THRB: variants seen among roughly 807,000 people sequenced by gnomAD.
THRB encodes the protein nuclear receptor subfamily 1 group A member 2.
THRB carries 12 observed loss-of-function variants against 47.8 expected under a neutral mutation model. The ratio of observed to expected loss-of-function variants is 0.25; its 90% CI spans 0.16 to 0.41. THRB has a LOEUF of 0.41. THRB is among the 10% of genes least tolerant of loss of function. The probability of loss-of-function intolerance (pLI) is 1.00; values close to 1 mark genes in which losing one functional copy is unlikely to be tolerated. For synonymous variants in THRB, 218 were observed against 212.2 expected, an observed-to-expected ratio of 1.03 and a Z score of -0.24; for missense variants, 348 against 589.2, an observed-to-expected ratio of 0.59 and a Z score of 4.24.
At chr3:24,447,196 T>C (rs562690768) in intron 1 of THRB, among the ~76,000 whole-genome samples, 1 of 152,350 alleles carries the variant, frequency 6.6e-6, no homozygotes, top group South Asian at 2.1e-4. Context: ...TATGCATTTA[T>C]TTTTAAAATT....
At chr3:24,211,434 A>G (rs2149857909) in intron 4 of THRB, among the ~76,000 whole-genome samples, 1 of 152,320 alleles carries the variant, frequency 6.6e-6, no homozygotes, top group South Asian at 2.1e-4. Context: ...CTTCATTGCT[A>G]ATATTGACTG....
chr3:24,319,534 A>C (rs1373070242), intron 2 of THRB, among the ~76,000 whole-genome samples: 3 of 152,262 alleles, frequency 2.0e-5, no homozygotes, highest in South Asian at 4.1e-4. Context: ...ATCAACGGTG[A>C]TGAAATTCAG....
At chr3:24,292,906 A>AT (rs2056081057) in intron 3 of THRB, among the ~76,000 whole-genome samples, 1 of 152,174 alleles carries the variant, frequency 6.6e-6, no homozygotes, top group African/African-American at 2.4e-5. Context: ...AGGCATTTCA[A>AT]TGAAAAAAAA....
intron 1 of THRB, among the ~76,000 whole-genome samples, chr3:24,364,572 C>T (rs560569931): frequency 6.6e-6 from 1 of 152,114 alleles, no homozygotes; most frequent in Non-Finnish European, 1.5e-5. Flanking sequence ...TTCTGTGTCA[C>T]GTAGGTAGTA....
chr3:24,431,678 T>C (rs1451306176), intron 1 of THRB, among the ~76,000 whole-genome samples: 2 of 152,042 alleles, frequency 1.3e-5, no homozygotes, highest in East Asian at 3.9e-4. Flanking sequence ...TGGAAGGAAA[T>C]TCACAGTAGC....
intron 3 of THRB, among the ~76,000 whole-genome samples, chr3:24,236,449 A>G (rs1674607365): frequency 6.6e-6 from 1 of 151,504 alleles, no homozygotes; most frequent in African/African-American, 2.5e-5. Context: ...AGACTTCTTT[A>G]TTATTATAGG....
Position 24,146,700 on chromosome 3 carries a change from G to A in THRB, c.507C>T (p.Cys169=), listed in dbSNP as rs1345659661. 1 of 1,614,148 alleles carries A rather than the reference G, an allele frequency of 6.2e-7. No homozygotes were observed. Among genetic ancestry groups the A allele is most frequent in the African/African-American group, 1.3e-5 (1 of 75,044 alleles). ...NQCQECRFKK[C]IYVGMATDLV... ...AATCTGTTGCCATGCCAACATAGAT[G>A]CATTTCTTAAAGCGACATTCCTGGC... is the stretch of plus-strand genomic sequence containing the variant. Residue 169 remains cysteine (C), a synonymous_variant, in exon 7 of 11, where the codon TGC becomes TGT. Coordinates refer to ENST00000646209, the MANE Select transcript of THRB (RefSeq NM_001354712.2).
At chr3:24,308,471 A>G (rs1338417801) in intron 2 of THRB, among the ~76,000 whole-genome samples, 1 of 152,206 alleles carries the variant, frequency 6.6e-6, no homozygotes, top group African/African-American at 2.4e-5. Context: ...TTTGAAATAT[A>G]AAGTAGAGTA....
intron 3 of THRB, among the ~76,000 whole-genome samples, chr3:24,243,162 C>A (rs982861537): frequency 3.3e-5 from 5 of 151,076 alleles, no homozygotes; most frequent in Non-Finnish European, 7.4e-5. Flanking sequence ...TGTAAAGCAG[C>A]GTGGGTGATT....
chr3:24,261,437 T>G (rs1235300377), intron 3 of THRB, among the ~76,000 whole-genome samples: 1 of 147,370 alleles, frequency 6.8e-6, no homozygotes, highest in Non-Finnish European at 1.5e-5. Context: ...AGATGGAGGT[T>G]GCAGTGAGCG....
chr3:24,255,760 A>G (rs186033606), intron 3 of THRB, among the ~76,000 whole-genome samples: 1 of 152,388 alleles, frequency 6.6e-6, no homozygotes, highest in East Asian at 1.9e-4. Flanking sequence ...CTGGAGAGAC[A>G]GACAGGAGAC....
intron 1 of THRB, among the ~76,000 whole-genome samples, chr3:24,475,062 G>T (rs754005154): frequency 2.0e-5 from 3 of 152,082 alleles, no homozygotes; most frequent in Non-Finnish European, 4.4e-5. Flanking sequence ...GTTCTATTTG[G>T]CTTGGGCCTC....
Position 24,190,289 on chromosome 3 carries a change from C to A in THRB, c.68G>T (p.Arg23Leu). 6.2e-7 allele frequency: 1 copy of A among 1,614,070 alleles called. No individual in the cohort carries two copies. The highest frequency in any genetic ancestry group is 1.3e-5 in the African/African-American group (1 of 75,012). ...TCCTACTAGCTTCCAGTCGTGTTCT[C>A]GGTCTGGACAGTGCTTCGGTTTGTC... ...AWDKPKHCPD[R>L]EHDWKLVGMS... The change falls in exon 5 of 11, where the codon CGA (arginine) becomes CTA (leucine). Residue 23 changes from arginine (R) to leucine (L), a missense_variant. Arg to Leu is a moderately radical substitution (Grantham distance 102). This residue lies in a region of THRB where 148 missense variants were observed against 122.3 expected (regional missense o/e 1.21). Transcript: ENST00000646209.
intron 1 of THRB, among the ~76,000 whole-genome samples, chr3:24,387,473 C>A (rs2066215586): frequency 6.6e-6 from 1 of 152,128 alleles, no homozygotes; most frequent in Admixed American, 6.6e-5. Flanking sequence ...GATTTTTAAT[C>A]AAAGTAGCCT....
chr3:24,182,838 G>C (rs2042078570), intron 5 of THRB, among the ~76,000 whole-genome samples: 1 of 152,170 alleles, frequency 6.6e-6, no homozygotes, highest in African/African-American at 2.4e-5. Context: ...TCCCATCACA[G>C]CAAGTCTGAC....
At chr3:24,221,954 A>G (rs533043186) in intron 4 of THRB, among the ~76,000 whole-genome samples, 1 of 152,364 alleles carries the variant, frequency 6.6e-6, no homozygotes, top group Non-Finnish European at 1.5e-5. Context: ...GTCAGAGCAC[A>G]AGAGGACCAG....
intron 7 of THRB, chr3:24,144,921 A>G (rs532281005): frequency 2.0e-5 from 3 of 152,094 alleles, no homozygotes; most frequent in East Asian, 3.9e-4. Flanking sequence ...AAAAAAGCAG[A>G]CATAGCAAGA....
At chr3:24,454,001 A>C (rs1239083281) in intron 1 of THRB, among the ~76,000 whole-genome samples, 1 of 152,110 alleles carries the variant, frequency 6.6e-6, no homozygotes, top group Admixed American at 6.6e-5. Context: ...CCCGCTCTCT[A>C]CTTTCATGGC....
chr3:24,249,409 C>T (rs1208779041), intron 3 of THRB, among the ~76,000 whole-genome samples: 1 of 152,102 alleles, frequency 6.6e-6, no homozygotes. Flanking sequence ...TTATTTTAAA[C>T]CAACCCTTGT....
Sources: allele counts gnomAD v4.1 joint callset (sites outside exome capture counted in the v4.1 genomes callset), GRCh38; gene constraint gnomAD v4.1.1; regional missense constraint gnomAD v4.1.1; transcripts MANE v1.5; gene names NCBI Gene and HGNC (gene_info 2026-07-23, HGNC 2026-07-21).